RIT2: variants seen among roughly 807,000 people sequenced by gnomAD.
RIT2 encodes GTP-binding protein Rit2.
A neutral mutation model predicts 23.7 loss-of-function variants in RIT2; 24 were observed. The observed-to-expected ratio is 1.01, with a 90% CI of 0.73 to 1.43. The LOEUF (loss-of-function observed/expected upper bound fraction) is 1.43, where lower values mean the gene tolerates loss of function less well. Among genes scored for constraint, RIT2 ranks in the 40% most tolerant of loss-of-function variants. RIT2 has a pLI of 0.00. For synonymous variants in RIT2, 107 were observed against 91.1 expected, an observed-to-expected ratio of 1.17 and a Z score of -0.99; for missense variants, 236 against 266.9, an observed-to-expected ratio of 0.88 and a Z score of 0.81.
intron 4 of RIT2, among the ~76,000 whole-genome samples, chr18:42,897,825 A>G (rs1192118819): frequency 1.3e-5 from 2 of 152,212 alleles, no homozygotes; most frequent in African/African-American, 2.4e-5. Flanking sequence ...AAGTATAAAG[A>G]TGCCTGGATG....
At chr18:42,993,766 C>A in intron 2 of RIT2, among the ~76,000 whole-genome samples, 1 of 152,034 alleles carries the variant, frequency 6.6e-6, no homozygotes, top group Non-Finnish European at 1.5e-5. Flanking sequence ...CCCACCTTAG[C>A]CCACAAGTAT....
chr18:42,936,170 GA>G (rs1909454492), intron 3 of RIT2, among the ~76,000 whole-genome samples: 1 of 151,898 alleles, frequency 6.6e-6, no homozygotes, highest in South Asian at 2.1e-4. Flanking sequence ...CCAGCTTTAG[GA>G]AATTAGCTCC....
chr18:43,074,238 C>T (rs1285533473), intron 1 of RIT2, among the ~76,000 whole-genome samples: 1 of 152,150 alleles, frequency 6.6e-6, no homozygotes, highest in Non-Finnish European at 1.5e-5. Flanking sequence ...AATTAAACCA[C>T]CCAGCAATGA....
At chr18:42,759,796 G>A (rs1046833536) in intron 4 of RIT2, among the ~76,000 whole-genome samples, 4 of 146,488 alleles carry the variant, frequency 2.7e-5, no homozygotes, top group African/African-American at 1.0e-4. Context: ...TTTTTTTCAA[G>A]CCCGAGTTTT....
At chr18:42,865,666 G>C (rs566393747) in intron 4 of RIT2, among the ~76,000 whole-genome samples, 24 of 152,178 alleles carry the variant, frequency 1.6e-4, no homozygotes, top group African/African-American at 5.3e-4. Flanking sequence ...GAGACATTCA[G>C]TTTTATGAAC....
chr18:42,854,982 A>T (rs1190525365), intron 4 of RIT2, among the ~76,000 whole-genome samples: 1 of 152,170 alleles, frequency 6.6e-6, no homozygotes, highest in Non-Finnish European at 1.5e-5. Flanking sequence ...CCCTTACTGG[A>T]GTAGGTGTAA....
chr18:42,774,382 G>T (rs1913619317), intron 4 of RIT2, among the ~76,000 whole-genome samples: 1 of 152,106 alleles, frequency 6.6e-6, no homozygotes, highest in South Asian at 2.1e-4. Flanking sequence ...ACCATGAGGG[G>T]TAAATCCGTT....
rs539278692 is a variant in RIT2, at chr18:42,991,800, T to C, written c.161-17653A>G. ...CCAGAGAACAACCCCCCTTTGACTGTAATTTTCCTCTACCTACCCAAATCT... is the reference window on the plus strand; with the variant it reads ...CCAGAGAACAACCCCCCTTTGACTGCAATTTTCCTCTACCTACCCAAATCT... On this transcript the variant is annotated intron_variant, in intron 2 of 4. Transcript: ENST00000326695. Among the ~76,000 whole-genome samples the C allele has an allele frequency of 1.9e-4, 29 of 152,110 alleles. No individual in the cohort carries two copies. The South Asian group carries it at 4.6e-3, about 24-fold the overall frequency.
chr18:42,874,756 CT>C (rs578085313), intron 4 of RIT2, among the ~76,000 whole-genome samples: 7 of 151,832 alleles, frequency 4.6e-5, no homozygotes, highest in South Asian at 2.1e-4. Flanking sequence ...GAGGATCTGA[CT>C]TTTTTTTAGG....
At chr18:42,829,181 A>G (rs10502802) in intron 4 of RIT2, among the ~76,000 whole-genome samples, 21,952 of 152,048 alleles carry the variant, frequency 0.14, 1,653 homozygotes, top group Middle Eastern at 0.26. Context: ...TTGTCTTATG[A>G]TTCATGAGTA....
chr18:42,861,074 A>T (rs1364196124), intron 4 of RIT2, among the ~76,000 whole-genome samples: 1 of 152,236 alleles, frequency 6.6e-6, no homozygotes, highest in Non-Finnish European at 1.5e-5. Flanking sequence ...CTTTCTCATA[A>T]GATTTACACC....
intron 4 of RIT2, among the ~76,000 whole-genome samples, chr18:42,775,455 G>C (rs1913645260): frequency 6.6e-6 from 1 of 152,056 alleles, no homozygotes; most frequent in African/African-American, 2.4e-5. Context: ...CCAGCACTTT[G>C]GGAGGCCGAG....
intron 2 of RIT2, among the ~76,000 whole-genome samples, chr18:43,026,078 G>T (rs1233598314): frequency 6.6e-6 from 1 of 152,002 alleles, no homozygotes; most frequent in Non-Finnish European, 1.5e-5. Context: ...TGTAGGCTGG[G>T]GATTCTTCTG....
intron 4 of RIT2, among the ~76,000 whole-genome samples, chr18:42,887,637 C>A (rs1908058345): frequency 2.0e-5 from 3 of 152,284 alleles, no homozygotes; most frequent in African/African-American, 4.8e-5. Flanking sequence ...TCTTGTCATG[C>A]AACCCAGCAA....
At chr18:43,036,778 A>C (rs1240386457) in intron 1 of RIT2, among the ~76,000 whole-genome samples, 1 of 152,138 alleles carries the variant, frequency 6.6e-6, no homozygotes, top group African/African-American at 2.4e-5. Flanking sequence ...GATTTGTATA[A>C]GTTTCTTTTG....
At chr18:43,089,275 TCAA>T (rs1024128563) in intron 1 of RIT2, among the ~76,000 whole-genome samples, 2 of 151,506 alleles carry the variant, frequency 1.3e-5, no homozygotes, top group Admixed American at 1.3e-4. Flanking sequence ...TGTGCGAAAA[TCAA>T]CAACAATGAA....
intron 2 of RIT2, among the ~76,000 whole-genome samples, chr18:43,030,819 C>T (rs899502950): frequency 2.6e-5 from 4 of 151,958 alleles, no homozygotes; most frequent in African/African-American, 9.7e-5. Flanking sequence ...GGTGCTTTAC[C>T]ACGAGAAGGA....
intron 4 of RIT2, among the ~76,000 whole-genome samples, chr18:42,914,085 T>G (rs1466877347): frequency 6.6e-6 from 1 of 152,094 alleles, no homozygotes; most frequent in Non-Finnish European, 1.5e-5. Flanking sequence ...ATGTTCAATA[T>G]TATTAGTCAT....
At chr18:42,903,039 TA>T (rs1037017625) in intron 4 of RIT2, among the ~76,000 whole-genome samples, 1 of 151,702 alleles carries the variant, frequency 6.6e-6, no homozygotes, top group African/African-American at 2.4e-5. Flanking sequence ...CGAGGAGGCA[TA>T]AAAATAGTAG....
Sources: gnomAD v4.1 joint callset for allele counts (sites outside exome capture counted in the v4.1 genomes callset) on GRCh38, gnomAD v4.1.1 for gene constraint, MANE v1.5 for transcripts, NCBI Gene and HGNC (gene_info 2026-07-23, HGNC 2026-07-21) for gene names.